Variants in ARFGEF3 observed in about 807,000 individuals in gnomAD.
ARFGEF3 encodes the protein ARFGEF family member 3.
A neutral mutation model predicts 221.7 loss-of-function variants in ARFGEF3; 96 were observed. The observed-to-expected ratio is 0.43, with a 90% CI of 0.37 to 0.51. The LOEUF is 0.51. Among genes scored for constraint, ARFGEF3 ranks in the 20% least tolerant of loss-of-function variants. ARFGEF3 has a pLI of 0.00. For missense variants in ARFGEF3, 2,410 were observed against 2,789.9 expected (o/e 0.86, Z 3.07); for synonymous variants, 1,145 against 1,126.8 (o/e 1.02, Z -0.32).
intron 2 of ARFGEF3, among the ~76,000 whole-genome samples, chr6:138,183,594 G>T (rs1172084808): frequency 6.6e-6 from 1 of 152,098 alleles, no homozygotes; most frequent in Non-Finnish European, 1.5e-5. Context: ...GCCTGGGTTT[G>T]GAGTCAGAGC....
rs1217719085 is a variant in ARFGEF3 at position 138,263,622 on chromosome 6, AATTCT to A, written c.2128+12_2128+16del. On this transcript the variant is annotated intron_variant, in intron 12 of 33. Transcript: ENST00000251691. ...CTACTTTCTGCTCAGGTTTGTAAACAATTCTCTGCTGTATAGTCAACAAGATTATT... is the reference window on the plus strand; with the variant it reads ...CTACTTTCTGCTCAGGTTTGTAAACACTGCTGTATAGTCAACAAGATTATT... 6.3e-7 allele frequency: 1 copy of A among 1,584,420 alleles called. No individual in the cohort carries two copies. Among genetic ancestry groups the A allele is most frequent in the South Asian group, 1.1e-5 (1 of 88,638 alleles).
rs1043972343 is a variant in ARFGEF3 at position 138,341,201 on chromosome 6, G to C, written c.*4715G>C. On this transcript the variant is annotated 3_prime_UTR_variant, in exon 34 of 34. Coordinates refer to ENST00000251691, the MANE Select transcript of ARFGEF3 (RefSeq NM_020340.5). ...AATAAAGTGCCCTGTAGCCAACAGT[G>C]CCTCTTTACTTGCTTCTCTGGGAAA... is the stretch of plus-strand genomic sequence containing the variant. 5 of 153,646 alleles carry C rather than the reference G, an allele frequency of 3.3e-5. No homozygotes were observed. The highest frequency in any genetic ancestry group is 1.2e-4 in the African/African-American group (5 of 41,470). The allele number at this position is 153,646 out of a possible 1,614,324, so 9.5% of individuals were successfully genotyped here.
chr6:138,175,442 A>G (rs1776921153), intron 2 of ARFGEF3, among the ~76,000 whole-genome samples: 1 of 152,148 alleles, frequency 6.6e-6, no homozygotes, highest in East Asian at 1.9e-4. Flanking sequence ...GAATAAATCT[A>G]TGAATTAGTG....
chr6:138,286,735 C>T lies in ARFGEF3; in HGVS notation c.2604C>T (p.Cys868=), dbSNP rs1343307805. The T allele has an allele frequency of 1.5e-5, 25 of 1,614,030 alleles. No homozygotes were observed. The highest frequency in any genetic ancestry group is 2.1e-5 in the Non-Finnish European group (25 of 1,179,892). ...VAFARYILVG[C]WKNLIDTLST... is the part of the protein sequence containing the mutation. ...TTGCTCGCTATATTCTGGTGGGCTG[C>T]TGGAAGAACTTGATCGATACTTTAT... The change falls in exon 16 of 34, where the codon TGC becomes TGT. Residue 868 remains cysteine, a synonymous_variant. Transcript: ENST00000251691.
Position 138,243,212 on chromosome 6 carries a change from AT to A in ARFGEF3, c.586+219del, listed in dbSNP as rs374113174. 1.4e-3 allele frequency among the ~76,000 whole-genome samples: 211 copies of A among 152,230 alleles called. No homozygotes were observed. The South Asian group carries it at 0.04, about 29-fold the overall frequency. ...CTTATGCCAACCACACCTGTTCCTG[AT>A]CTAACTACCTGAGGGAAATTAACGC... On this transcript the variant is annotated intron_variant, in intron 7 of 33. Coordinates refer to ENST00000251691, the MANE Select transcript of ARFGEF3 (RefSeq NM_020340.5).
In ARFGEF3 at chr6:138,341,933, CTT is replaced by C. The variant is rs549477167; in HGVS notation, c.*5449_*5450del. On this transcript the variant is annotated 3_prime_UTR_variant, in exon 34 of 34. Transcript: ENST00000251691. ...ACCATACAGAACCTTTTCTCTGTATCTTTGTACAATACTACAAAGGGGTACCA... is the reference window on the plus strand; with the variant it reads ...ACCATACAGAACCTTTTCTCTGTATCTGTACAATACTACAAAGGGGTACCA... 5.6e-4 allele frequency: 86 copies of C among 152,290 alleles called. No individual in the cohort carries two copies. Among genetic ancestry groups the C allele is most frequent in the African/African-American group, 2.0e-3 (82 of 41,558 alleles). The allele number at this position is 152,290 out of a possible 1,614,324, so 9.4% of individuals were successfully genotyped here.
chr6:138,264,955 G>C (rs1422152995), intron 12 of ARFGEF3, among the ~76,000 whole-genome samples: 1 of 148,560 alleles, frequency 6.7e-6, no homozygotes, highest in East Asian at 2.0e-4. Flanking sequence ...CCAGGCTGGA[G>C]TCCAGTGGTG....
At chr6:138,326,007 CCACCA>C (rs1780120925) in intron 31 of ARFGEF3, among the ~76,000 whole-genome samples, 1 of 152,080 alleles carries the variant, frequency 6.6e-6, no homozygotes, top group African/African-American at 2.4e-5. Flanking sequence ...CAGGTGTGCA[CCACCA>C]CACCCAGCTA....
chr6:138,198,632 G>A (rs144332658), intron 2 of ARFGEF3, among the ~76,000 whole-genome samples: 4 of 152,294 alleles, frequency 2.6e-5, no homozygotes, highest in East Asian at 3.9e-4. Flanking sequence ...ATTAGGAAAC[G>A]GCATGACTAC....
intron 22 of ARFGEF3, 97 bp downstream of exon 22, chr6:138,298,882 A>G (rs1779573396): frequency 6.6e-6 from 6 of 902,582 alleles, no homozygotes; most frequent in Middle Eastern, 3.0e-4. Context: ...CTTTCCAATA[A>G]TCCTATGTGG....
chr6:138,190,548 T>C (rs778546540), intron 2 of ARFGEF3, among the ~76,000 whole-genome samples: 3 of 152,232 alleles, frequency 2.0e-5, no homozygotes, highest in African/African-American at 7.2e-5. Context: ...GCTTTTACTA[T>C]ATCTGAGGCT....
intron 19 of ARFGEF3, 28 bp from the exon 20 acceptor site, chr6:138,293,965 G>T (rs1779460871): frequency 8.7e-6 from 14 of 1,606,420 alleles, no homozygotes; most frequent in Non-Finnish European, 1.2e-5. Flanking sequence ...TGTTTCCAAA[G>T]AACACATCTC....
intron 5 of ARFGEF3, among the ~76,000 whole-genome samples, chr6:138,237,876 C>A (rs951878393): frequency 6.6e-6 from 1 of 152,128 alleles, no homozygotes; most frequent in African/African-American, 2.4e-5. Context: ...CGTGTCAATT[C>A]GAAGAGTCAG....
chr6:138,296,962 A>G lies in ARFGEF3; in HGVS notation c.3648+7A>G. The G allele has an allele frequency of 6.2e-7, 1 of 1,609,062 alleles. No homozygotes were observed. The highest frequency in any genetic ancestry group is 8.5e-7 in the Non-Finnish European group (1 of 1,178,096). The stretch of plus-strand genomic sequence containing the variant: ...GGCCCCACACCTGGTGGAGGTGAGC[A>G]CTGGGAAGGTGGGAAGAGGCTGGAA... On this transcript the variant is annotated splice_region_variant and intron_variant, in intron 21 of 33. Transcript: ENST00000251691.
chr6:138,310,703 T>C (rs1583061247), intron 24 of ARFGEF3, among the ~76,000 whole-genome samples: 1 of 152,376 alleles, frequency 6.6e-6, no homozygotes, highest in South Asian at 2.1e-4. Context: ...TTTGATTAAA[T>C]GTATAGAAAT....
At chr6:138,316,876 A>G (rs966684019) in intron 26 of ARFGEF3, among the ~76,000 whole-genome samples, 1 of 152,200 alleles carries the variant, frequency 6.6e-6, no homozygotes, top group Non-Finnish European at 1.5e-5. Flanking sequence ...TCTGTTCTAT[A>G]TATTTACCAC....
Position 138,292,015 on chromosome 6 carries a change from G to A in ARFGEF3, c.3330G>A (p.Ala1110=). 14 of 1,517,050 alleles carry A rather than the reference G, an allele frequency of 9.2e-6. No homozygotes were observed. Among genetic ancestry groups the A allele is most frequent in the South Asian group, 1.2e-5 (1 of 80,646 alleles). 94.0% of individuals were successfully genotyped at this position (1,517,050 alleles called of 1,614,324 possible). Residue 1110 remains alanine, a synonymous_variant, in exon 19 of 34, where the codon GCG becomes GCA. Transcript: ENST00000251691. ...GGAGCCTCATGAGCGGGAGCAGCGC[G>A]GCCAAGGTGGTGCTCACCCTCTCCA... ...RGGSLMSGSS[A]AKVVLTLSTQ...
intron 2 of ARFGEF3, among the ~76,000 whole-genome samples, chr6:138,201,023 A>G (rs1447936171): frequency 6.6e-6 from 1 of 152,250 alleles, no homozygotes; most frequent in African/African-American, 2.4e-5. Context: ...ACATGAATAG[A>G]CAGTTCTCAA....
At chr6:138,218,571 A>G in intron 4 of ARFGEF3, 1 of 1,132,254 alleles carries the variant, frequency 8.8e-7, no homozygotes, top group Non-Finnish European at 1.2e-6. Flanking sequence ...CCATCCTACG[A>G]GGTAGAGTTT....
Sources: gnomAD v4.1 joint callset for allele counts (sites outside exome capture counted in the v4.1 genomes callset) on GRCh38, gnomAD v4.1.1 for gene constraint, MANE v1.5 for transcripts, NCBI Gene and HGNC (gene_info 2026-07-23, HGNC 2026-07-21) for gene names.